The following PCSK5 variants were observed in gnomAD, a reference collection of about 807,000 sequenced individuals.
The protein encoded by PCSK5 is proprotein convertase subtilisin/kexin type 5.
A neutral mutation model predicts 233.2 loss-of-function variants in PCSK5; 129 were observed. The ratio of observed to expected loss-of-function variants is 0.55; its 90% CI spans 0.48 to 0.64. The LOEUF is 0.64. Among genes scored for constraint, PCSK5 ranks in the 30% least tolerant of loss-of-function variants. PCSK5 has a pLI of 0.00. For synonymous variants in PCSK5, 825 were observed against 879.2 expected, an observed-to-expected ratio of 0.94 and a Z score of 1.09; for missense variants, 2,076 against 2,430.1, an observed-to-expected ratio of 0.85 and a Z score of 3.06.
chr9:76,300,890 T>A (rs1194753031), intron 27 of PCSK5, among the ~76,000 whole-genome samples: 2 of 152,172 alleles, frequency 1.3e-5, no homozygotes, highest in Non-Finnish European at 2.9e-5. Flanking sequence ...TAAAGTCTCG[T>A]CTACTCCCTA....
rs376373456 is a variant in PCSK5, at chr9:76,136,227, G to GA, written c.1312+2026dup. Among the ~76,000 whole-genome samples the GA allele has an allele frequency of 6.9e-4, 100 of 144,000 alleles. 1 individual carries two copies. The highest frequency in any genetic ancestry group is 3.8e-3 in the East Asian group (19 of 5,004). 94.5% of individuals were successfully genotyped at this position (144,000 alleles called of 152,430 possible). ...ACAGGATCATAATAAGATGACTTAA[G>GA]AAAAAAAAAAAGTTATTCTCTACTC... On this transcript the variant is annotated intron_variant, in intron 10 of 37. Coordinates refer to ENST00000674117, the MANE Select transcript of PCSK5 (RefSeq NM_001372043.1).
At chr9:76,041,708 C>T (rs968290604) in intron 5 of PCSK5, among the ~76,000 whole-genome samples, 5 of 151,820 alleles carry the variant, frequency 3.3e-5, no homozygotes, top group African/African-American at 1.2e-4. Flanking sequence ...GGTGTGGTGG[C>T]TGTGCCTGTA....
chr9:76,074,156 T>A (rs541761694), intron 7 of PCSK5, among the ~76,000 whole-genome samples: 12 of 152,330 alleles, frequency 7.9e-5, no homozygotes, highest in African/African-American at 2.9e-4. Context: ...TTCCATACTC[T>A]TGTGCATATT....
At chr9:76,130,292 C>T (rs977948528) in intron 9 of PCSK5, among the ~76,000 whole-genome samples, 1 of 152,124 alleles carries the variant, frequency 6.6e-6, no homozygotes, top group Non-Finnish European at 1.5e-5. Context: ...GAGGACGCGA[C>T]GTGCCATACT....
intron 1 of PCSK5, among the ~76,000 whole-genome samples, 192 bp downstream of exon 1, chr9:75,891,565 C>T (rs1825605802): frequency 6.8e-6 from 1 of 146,508 alleles, no homozygotes; most frequent in South Asian, 2.2e-4. Context: ...ACACACACAC[C>T]CCAGAGTTGC....
chr9:76,056,931 G>A (rs1400251014), intron 5 of PCSK5, among the ~76,000 whole-genome samples: 1 of 152,138 alleles, frequency 6.6e-6, no homozygotes, highest in East Asian at 1.9e-4. Flanking sequence ...AGGAAAATAT[G>A]CATCTTAGTA....
At chr9:76,353,357 G>A (rs1830217194) in intron 36 of PCSK5, among the ~76,000 whole-genome samples, 2 of 152,176 alleles carry the variant, frequency 1.3e-5, no homozygotes, top group African/African-American at 4.8e-5. Flanking sequence ...GAGCTACACA[G>A]CCACAACCTA....
intron 9 of PCSK5, among the ~76,000 whole-genome samples, chr9:76,121,578 A>ACCTC (rs1832631147): frequency 6.6e-6 from 1 of 152,146 alleles, no homozygotes; most frequent in African/African-American, 2.4e-5. Context: ...GTAAACGGAG[A>ACCTC]GTCAAGCTTT....
chr9:76,050,277 T>G (rs1829576224), intron 5 of PCSK5, among the ~76,000 whole-genome samples: 1 of 152,236 alleles, frequency 6.6e-6, no homozygotes, highest in Admixed American at 6.5e-5. Flanking sequence ...GTTTCCATTC[T>G]GCCAAGCTGG....
Position 76,064,112 on chromosome 9 carries a change from GGGGCGGCTGGCT to G in PCSK5, c.633-3836_633-3825del, listed in dbSNP as rs1395145998. ...CAGAGGCGCCCCTCACCTCCCAGAC[GGGGCGGCTGGCT>G]GGGCGGAGGGCTGACCCCCCCACCT... On this transcript the variant is annotated intron_variant, in intron 5 of 37. Transcript: ENST00000674117. Among the ~76,000 whole-genome samples, 72 of 118,182 alleles carry G rather than the reference GGGGCGGCTGGCT, an allele frequency of 6.1e-4. 1 individual carries two copies. The East Asian group carries it at 0.018, about 30-fold the overall frequency. The allele number at this position is 118,182 out of a possible 152,430, so 77.5% of individuals were successfully genotyped here.
In PCSK5 at chr9:76,297,498, C is replaced by G. The variant is rs191380876; in HGVS notation, c.3523+633C>G. Among the ~76,000 whole-genome samples the G allele has an allele frequency of 1.2e-3, 180 of 152,214 alleles. 1 individual carries two copies. Among genetic ancestry groups the G allele is most frequent in the African/African-American group, 3.7e-3 (155 of 41,552 alleles). The stretch of plus-strand genomic sequence containing the variant: ...GGGAGCTTGGAATCCAACAGCAAAG[C>G]CCTGCAGGTGCTCATTCCTCCCCGA... On this transcript the variant is annotated intron_variant, in intron 27 of 37. Transcript: ENST00000674117.
chr9:76,057,581 A>T (rs1829865407), intron 5 of PCSK5, among the ~76,000 whole-genome samples: 1 of 152,226 alleles, frequency 6.6e-6, no homozygotes, highest in Non-Finnish European at 1.5e-5. Flanking sequence ...AAAATGGTTC[A>T]TATAATATGG....
chr9:76,009,589 TG>T (rs1208402212), intron 3 of PCSK5, among the ~76,000 whole-genome samples: 3 of 148,768 alleles, frequency 2.0e-5, no homozygotes, highest in African/African-American at 7.5e-5. Context: ...ATCACACCAC[TG>T]CACTCCAGCC....
intron 30 of PCSK5, among the ~76,000 whole-genome samples, chr9:76,313,532 A>C (rs1030874801): frequency 1.3e-5 from 2 of 152,098 alleles, no homozygotes; most frequent in African/African-American, 4.8e-5. Flanking sequence ...GGATTATATA[A>C]AATGTGGTCT....
In PCSK5 at chr9:76,351,452, GAAAGAAAGAAA is replaced by G. The variant is rs1830126450; in HGVS notation, c.5067+525_5067+535del. Among the ~76,000 whole-genome samples the G allele has an allele frequency of 1.3e-3, 33 of 25,036 alleles. 6 individuals are homozygous for G. The highest frequency in any genetic ancestry group is 3.2e-3 in the African/African-American group (28 of 8,798). The allele number at this position is 25,036 out of a possible 152,430, so 16.4% of individuals were successfully genotyped here. The stretch of plus-strand genomic sequence containing the variant: ...CCCCTGCAATGTGAAAGAAAGGAAA[GAAAGAAAGAAA>G]GAAAGAAAGAAAGAAAGAAAGAAAG... On this transcript the variant is annotated intron_variant, in intron 36 of 37. Transcript: ENST00000674117.
At chr9:76,025,112 T>C (rs1828364661) in intron 4 of PCSK5, among the ~76,000 whole-genome samples, 1 of 152,196 alleles carries the variant, frequency 6.6e-6, no homozygotes, top group African/African-American at 2.4e-5. Context: ...ATATACAATG[T>C]ATATTTTACT....
rs960589266 is a variant in PCSK5, at chr9:76,142,846, G to T, written c.1312+8634G>T. ...ACTTCTTTTCTCTTCTTTGTAGTCT[G>T]TTTTCTCTAATTTGGGCTATTGTTT... On this transcript the variant is annotated intron_variant, in intron 10 of 37. Coordinates refer to ENST00000674117, the MANE Select transcript of PCSK5 (RefSeq NM_001372043.1). Among the ~76,000 whole-genome samples the T allele has an allele frequency of 3.3e-5, 5 of 152,196 alleles. No individual in the cohort carries two copies. The East Asian group carries it at 5.8e-4, about 18-fold the overall frequency.
chr9:76,279,660 C>A (rs1444549472), intron 24 of PCSK5, among the ~76,000 whole-genome samples: 1 of 151,908 alleles, frequency 6.6e-6, no homozygotes, highest in African/African-American at 2.4e-5. Context: ...TCTCTGATGG[C>A]CAGTGATGAT....
intron 10 of PCSK5, among the ~76,000 whole-genome samples, chr9:76,154,202 C>G (rs2131807063): frequency 6.6e-6 from 1 of 152,276 alleles, no homozygotes; most frequent in Middle Eastern, 3.4e-3. Context: ...GTTGACCAGT[C>G]TGCAGTTTAA....
Sources: allele counts gnomAD v4.1 joint callset (sites outside exome capture counted in the v4.1 genomes callset), GRCh38; gene constraint gnomAD v4.1.1; transcripts MANE v1.5; gene names NCBI Gene and HGNC (gene_info 2026-07-23, HGNC 2026-07-21).